CHD8: variants seen among roughly 807,000 people sequenced by gnomAD.
The protein encoded by CHD8 is chromodomain helicase DNA binding protein 8.
A neutral mutation model predicts 279.2 loss-of-function variants in CHD8; 31 were observed. The ratio of observed to expected loss-of-function variants is 0.11; its 90% CI spans 0.08 to 0.15. The LOEUF (loss-of-function observed/expected upper bound fraction) is 0.15. CHD8 is among the 10% of genes least tolerant of loss of function. The pLI is 1.00. For missense variants in CHD8, 2,146 were observed against 3,230.5 expected (o/e 0.66, Z 8.14); for synonymous variants, 1,081 against 1,139.6 (o/e 0.95, Z 1.04).
chr14:21,430,937 T>C lies in CHD8; in HGVS notation c.707A>G (p.Gln236Arg), dbSNP rs1382634106. 6.3e-7 allele frequency: 1 copy of C among 1,599,550 alleles called. No individual in the cohort carries two copies. Among genetic ancestry groups the C allele is most frequent in the Non-Finnish European group, 8.5e-7 (1 of 1,179,792 alleles). The change falls in exon 2 of 38, where the codon CAG becomes CGG. Residue 236 changes from glutamine (Q) to arginine (R), a missense_variant. By Grantham distance (43) the Gln-to-Arg change is conservative. Around this residue, in one of 26 missense-constraint regions of CHD8, gnomAD observed 302 missense variants for 325.5 expected, o/e 0.93. Transcript: ENST00000646647. The stretch of plus-strand genomic sequence containing the variant: ...TGGTCGGCTGGGCTGGACAATGCGC[T>C]GAACAGCAGCCTGGTTCCCAGGGAC... ...AKVPGNQAAV[Q>R]RIVQPSRPVK...
intron 37 of CHD8, 48 bp from the exon 38 acceptor site, chr14:21,386,224 A>G (rs1887226005): frequency 1.3e-6 from 2 of 1,504,048 alleles, no homozygotes; most frequent in African/African-American, 2.8e-5. Flanking sequence ...AGGGGAAAAA[A>G]GAAAAGAAAC....
In CHD8 at chr14:21,400,208, G is replaced by A; in HGVS notation, c.4670C>T (p.Pro1557Leu). 6.2e-7 allele frequency: 1 copy of A among 1,613,886 alleles called. No individual in the cohort carries two copies. Among genetic ancestry groups the A allele is most frequent in the Non-Finnish European group, 8.5e-7 (1 of 1,179,878 alleles). ...ACTTTCATCTTGGAACAAAGTGTCA[G>A]GGTTATATTTCCGGATCCAATCTGC... ...HKADWIRKYNPDTLFQDESYK... is the reference protein window; with the variant it reads ...HKADWIRKYNLDTLFQDESYK... The change falls in exon 24 of 38, where the codon CCT (proline) becomes CTT (leucine). Residue 1557 changes from proline (P) to leucine (L), a missense_variant. Physicochemically the swap from Pro to Leu is moderately conservative, Grantham distance 98. Transcript: ENST00000646647. The surrounding 1 kb of genome is among the most constrained non-coding windows in gnomAD (Gnocchi z 4.2).
intron 33 of CHD8, 100 bp downstream of exon 33, chr14:21,393,006 C>T: frequency 7.3e-7 from 1 of 1,365,306 alleles, no homozygotes; most frequent in Non-Finnish European, 9.9e-7. Flanking sequence ...GCAATAAACA[C>T]AATTTTAAAA....
Position 21,403,714 on chromosome 14 carries a change from G to C in CHD8, c.3308-51C>G. 7.0e-7 allele frequency: 1 copy of C among 1,427,768 alleles called. No homozygotes were observed. Among genetic ancestry groups the C allele is most frequent in the Non-Finnish European group, 9.7e-7 (1 of 1,035,964 alleles). The allele number at this position is 1,427,768 out of a possible 1,614,324, so 88.4% of individuals were successfully genotyped here. ...TTGAGATCCAGTGAACCATATTAAG[G>C]TTGTAGTCTATTTAACTAAGAAAGC... On this transcript the variant is annotated intron_variant, in intron 16 of 37. Coordinates refer to ENST00000646647, the MANE Select transcript of CHD8 (RefSeq NM_001170629.2). The surrounding 1 kb of genome is among the most constrained non-coding windows in gnomAD (Gnocchi z 4.3).
At chr14:21,389,271 G>T (rs1887421029) in intron 37 of CHD8, among the ~76,000 whole-genome samples, 1 of 148,554 alleles carries the variant, frequency 6.7e-6, no homozygotes, top group Non-Finnish European at 1.5e-5. Context: ...TTGCACTCCA[G>T]CCTGGGCAAC....
chr14:21,409,821 G>A, intron 11 of CHD8, 30 bp downstream of exon 11: 5 of 1,581,588 alleles, frequency 3.2e-6, no homozygotes, highest in Non-Finnish European at 4.3e-6. Flanking sequence ...TCTTATGTAG[G>A]CCTTTATACT....
In CHD8 at chr14:21,413,143, C is replaced by T. The variant is rs1888573157; in HGVS notation, c.2143-147G>A. On this transcript the variant is annotated intron_variant, in intron 9 of 37. Transcript: ENST00000646647. ...CGATGGGTGTTCTCCTTTTTCATAACAGCAAATCCTATGAATTTACCAGGG... is the reference window on the plus strand; with the variant it reads ...CGATGGGTGTTCTCCTTTTTCATAATAGCAAATCCTATGAATTTACCAGGG... 4.7e-6 allele frequency: 3 copies of T among 637,524 alleles called. No homozygotes were observed. In the East Asian group the frequency reaches 8.2e-5, roughly 17 times the overall value. 39.5% of individuals were successfully genotyped at this position (637,524 alleles called of 1,614,324 possible).
At chr14:21,428,616 G>A (rs183241859) in intron 3 of CHD8, among the ~76,000 whole-genome samples, 240 of 151,322 alleles carry the variant, frequency 1.6e-3, no homozygotes, top group Non-Finnish European at 2.6e-3. Context: ...TGGGCGGGGA[G>A]AGGGGAGGAC....
rs1272358479 is a variant in CHD8 at position 21,408,221 on chromosome 14, A to G, written c.2730+91T>C. On this transcript the variant is annotated intron_variant, in intron 13 of 37. Transcript: ENST00000646647. This position sits in a 1 kb window ranked among gnomAD's most constrained non-coding sequence, Gnocchi z 4.3. ...CATAGGCATATTGAAGACTTTCAAT[A>G]AAAGTCTTCTATTCATATATAGCCC... The G allele has an allele frequency of 2.8e-6, 4 of 1,439,530 alleles. No individual in the cohort carries two copies. In the East Asian group the frequency reaches 9.2e-5, roughly 33 times the overall value. The allele number at this position is 1,439,530 out of a possible 1,614,324, so 89.2% of individuals were successfully genotyped here.
At chr14:21,433,925 T>C (rs1044623926) in intron 1 of CHD8, among the ~76,000 whole-genome samples, 3 of 152,106 alleles carry the variant, frequency 2.0e-5, no homozygotes, top group African/African-American at 7.2e-5. Flanking sequence ...CCCATTATCA[T>C]CAGCTTTTTT....
intron 1 of CHD8, among the ~76,000 whole-genome samples, chr14:21,440,260 G>A (rs1321684312): frequency 6.6e-6 from 1 of 152,146 alleles, no homozygotes; most frequent in Non-Finnish European, 1.5e-5. Context: ...AGGCTGGAGT[G>A]CAGTAGTGCG....
At chr14:21,420,427 G>A (rs750950027) in intron 5 of CHD8, among the ~76,000 whole-genome samples, 2 of 152,134 alleles carry the variant, frequency 1.3e-5, no homozygotes, top group East Asian at 3.9e-4. Context: ...GACTAGAGTG[G>A]AAGTAAGGAC....
chr14:21,411,459 G>A (rs1888489568), intron 10 of CHD8, among the ~76,000 whole-genome samples: 2 of 152,284 alleles, frequency 1.3e-5, no homozygotes, highest in African/African-American at 4.8e-5. Flanking sequence ...TTAACTCAGA[G>A]GTCCTGTTAG....
At chr14:21,445,018 A>C (rs1417655062) in intron 1 of CHD8, among the ~76,000 whole-genome samples, 1 of 152,108 alleles carries the variant, frequency 6.6e-6, no homozygotes, top group Non-Finnish European at 1.5e-5. Context: ...ACTGGTAATC[A>C]TTCTCCAGCA....
chr14:21,441,653 C>T (rs1232281850), intron 1 of CHD8, among the ~76,000 whole-genome samples: 3 of 151,642 alleles, frequency 2.0e-5, no homozygotes, highest in Non-Finnish European at 2.9e-5. Flanking sequence ...CTTTGGGAGG[C>T]CAAGGCGGGC....
chr14:21,401,763 T>C, intron 20 of CHD8, 194 bp downstream of exon 20: 4 of 595,252 alleles, frequency 6.7e-6, no homozygotes, highest in Non-Finnish European at 1.1e-5. Flanking sequence ...TTTTGTATTT[T>C]TGGTAGAGAT....
chr14:21,455,529 AC>A (rs997127929), intron 1 of CHD8, among the ~76,000 whole-genome samples: 1 of 152,158 alleles, frequency 6.6e-6, no homozygotes, highest in African/African-American at 2.4e-5. Flanking sequence ...CACAGAACTT[AC>A]ACCTGAGAAT....
chr14:21,392,075 A>G, intron 34 of CHD8, 129 bp from the exon 35 acceptor site: 3 of 781,356 alleles, frequency 3.8e-6, no homozygotes, highest in Non-Finnish European at 6.9e-6. Flanking sequence ...AGGCCATCTG[A>G]CTAAAGGGTA....
intron 3 of CHD8, among the ~76,000 whole-genome samples, chr14:21,428,633 C>T (rs1889432388): frequency 6.6e-6 from 1 of 152,166 alleles, no homozygotes; most frequent in Non-Finnish European, 1.5e-5. Context: ...GGACTGATCA[C>T]TTATTTCTTC....
Sources: allele counts gnomAD v4.1 joint callset (sites outside exome capture counted in the v4.1 genomes callset), GRCh38; gene constraint gnomAD v4.1.1; regional missense constraint gnomAD v4.1.1; non-coding constraint Gnocchi (gnomAD v3.1); transcripts MANE v1.5; gene names NCBI Gene and HGNC (gene_info 2026-07-23, HGNC 2026-07-21).